Variants in PCDHGA1 observed in about 807,000 individuals in gnomAD.
The protein encoded by PCDHGA1 is protocadherin gamma subfamily A, 1, also known as protocadherin gamma-A1.
In PCDHGA1, 32 loss-of-function variants were observed where a neutral mutation model predicts 58.0. The ratio of observed to expected loss-of-function variants is 0.55; its 90% confidence interval spans 0.42 to 0.74. The LOEUF (loss-of-function observed/expected upper bound fraction) is 0.74. PCDHGA1 is among the 30% of genes least tolerant of loss of function. The pLI, the probability that PCDHGA1 is intolerant of heterozygous loss-of-function variation, is 0.00. For synonymous variants in PCDHGA1, 498 were observed against 501.1 expected (o/e 0.99, Z 0.08); for missense variants, 1,205 against 1,182.3 (o/e 1.02, Z -0.28).
Position 141,476,657 on chromosome 5 carries a change from G to A in PCDHGA1, c.2422-18150G>A, listed in dbSNP as rs759887729. On this transcript the variant is annotated intron_variant, in intron 1 of 3. Coordinates refer to ENST00000517417, the MANE Select transcript of PCDHGA1 (RefSeq NM_018912.3). This position sits in a 1 kb window ranked among gnomAD's most constrained non-coding sequence, Gnocchi z 7.6. ...TGAGCTGAGCCGAAATGAATACTTTGCGCTTCGCGTGCAGACGCGGGAGGA... is the reference window on the plus strand; with the variant it reads ...TGAGCTGAGCCGAAATGAATACTTTACGCTTCGCGTGCAGACGCGGGAGGA... 1.9e-6 allele frequency: 3 copies of A among 1,614,140 alleles called. No homozygotes were observed. Among genetic ancestry groups the A allele is most frequent in the Non-Finnish European group, 2.5e-6 (3 of 1,180,060 alleles).
intron 1 of PCDHGA1, chr5:141,371,721 C>A: frequency 6.2e-7 from 1 of 1,614,084 alleles, no homozygotes; most frequent in Non-Finnish European, 8.5e-7. Flanking sequence ...TCTGCACATC[C>A]TTGATGTCAA....
intron 1 of PCDHGA1, chr5:141,350,020 T>C (rs1242075898): frequency 2.7e-6 from 1 of 367,434 alleles, no homozygotes; most frequent in Non-Finnish European, 4.8e-6. Context: ...TGTGCAGTTT[T>C]CCAAGACAAC....
intron 1 of PCDHGA1, chr5:141,352,514 A>T (rs752533199): frequency 3.7e-6 from 6 of 1,613,842 alleles, no homozygotes; most frequent in Non-Finnish European, 5.1e-6. Flanking sequence ...CAATCTATGT[A>T]TTGCCTCTCA....
chr5:141,470,459 A>T (rs59770804), intron 1 of PCDHGA1, among the ~76,000 whole-genome samples: 32,627 of 152,034 alleles, frequency 0.21, 3,610 homozygotes, highest in African/African-American at 0.27. Context: ...CTTGAATAGG[A>T]TTTTCTGATA....
intron 1 of PCDHGA1, chr5:141,361,516 G>T (rs750174731): frequency 2.5e-6 from 4 of 1,613,942 alleles, no homozygotes; most frequent in Non-Finnish European, 3.4e-6. Context: ...CATGGTTCAC[G>T]TGGCAGAGAA....
chr5:141,388,706 T>C (rs1189291267), intron 1 of PCDHGA1: 2 of 1,613,856 alleles, frequency 1.2e-6, no homozygotes, highest in African/African-American at 2.7e-5. Flanking sequence ...AGGGTGTCAA[T>C]GCCGAGATTA....
At position 141,491,099 on chromosome 5, in the gene PCDHGA1, T is replaced by C. The variant is rs1352561414; in HGVS notation, c.2422-3708T>C. 1 of 1,614,176 alleles carries C rather than the reference T, an allele frequency of 6.2e-7. No homozygotes were observed. ...CAGTCCACAGCCCCAGGACTGTTCC[T>C]CGTGTCTACACACACTGGTGAGGTG... On this transcript the variant is annotated intron_variant, in intron 1 of 3. Coordinates refer to ENST00000517417, the MANE Select transcript of PCDHGA1 (RefSeq NM_018912.3). The surrounding 1 kb of genome is among the most constrained non-coding windows in gnomAD (Gnocchi z 6.9).
chr5:141,425,500 T>C (rs2096879850), intron 1 of PCDHGA1, among the ~76,000 whole-genome samples: 1 of 152,246 alleles, frequency 6.6e-6, no homozygotes, highest in South Asian at 2.1e-4. Context: ...GCTATACCTT[T>C]ATATTCTCTT....
intron 1 of PCDHGA1, among the ~76,000 whole-genome samples, chr5:141,439,631 A>C (rs1459977985): frequency 2.0e-5 from 3 of 152,214 alleles, no homozygotes; most frequent in Non-Finnish European, 2.9e-5. Context: ...ATCCCCAGAC[A>C]TTCCGGCTTG....
rs375436846 is a variant in PCDHGA1, at chr5:141,399,581, A to T, written c.2421+66476A>T. ...TTGGGGTTGAACGGCCAAGTCTCCT[A>T]CTCTATCATGGCCAGCGACCTAGAG... is the stretch of plus-strand genomic sequence containing the variant. On this transcript the variant is annotated intron_variant, in intron 1 of 3. Coordinates refer to ENST00000517417, the MANE Select transcript of PCDHGA1 (RefSeq NM_018912.3). 9.9e-6 allele frequency: 16 copies of T among 1,613,788 alleles called. No homozygotes were observed. The African/African-American group carries it at 1.9e-4, about 19-fold the overall frequency.
Position 141,332,996 on chromosome 5 carries a change from C to G in PCDHGA1, c.2312C>G (p.Pro771Arg), listed in dbSNP as rs753148122. 1.9e-6 allele frequency: 3 copies of G among 1,614,190 alleles called. No individual in the cohort carries two copies. In the Admixed American group the frequency reaches 5.0e-5, roughly 27 times the overall value. ...TCGCGGAAGAGCCACCTGATTTTCC[C>G]CCAGCCCAACTATGCGGACACACTC... is the stretch of plus-strand genomic sequence containing the variant. The part of the protein sequence containing the change: ...ADSRKSHLIF[P>R]QPNYADTLIS... Residue 771 changes from proline (P) to arginine (R), a missense_variant, in exon 1 of 4, where the codon CCC becomes CGC. Transcript: ENST00000517417. This position sits in a 1 kb window ranked among gnomAD's most constrained non-coding sequence, Gnocchi z 4.6.
chr5:141,401,060 T>A (rs1395651829), intron 1 of PCDHGA1, among the ~76,000 whole-genome samples: 3 of 152,216 alleles, frequency 2.0e-5, no homozygotes, highest in Non-Finnish European at 4.4e-5. Flanking sequence ...ATACTATATG[T>A]TGGCTGGGTG....
intron 1 of PCDHGA1, chr5:141,411,313 T>C (rs970801897): frequency 6.6e-5 from 10 of 152,224 alleles, no homozygotes; most frequent in African/African-American, 2.4e-4. Context: ...CTCACACCTA[T>C]AATCACAGCA....
At chr5:141,351,753 T>C (rs1489735945) in intron 1 of PCDHGA1, 1 of 1,613,482 alleles carries the variant, frequency 6.2e-7, no homozygotes. Flanking sequence ...CGGGAGCTGT[T>C]GTCCTACGTG....
chr5:141,388,007 G>A (rs2091194433), intron 1 of PCDHGA1: 1 of 1,480,702 alleles, frequency 6.8e-7, no homozygotes, highest in Non-Finnish European at 9.1e-7. Context: ...CCGAGGAAAT[G>A]CCCAAGGGCT....
At chr5:141,391,287 A>G (rs1429932607) in intron 1 of PCDHGA1, 1 of 152,126 alleles carries the variant, frequency 6.6e-6, no homozygotes, top group Non-Finnish European at 1.5e-5. Flanking sequence ...TTGCTGAAAG[A>G]AGGAAACGTC....
At chr5:141,343,265 C>T (rs1757274091) in intron 1 of PCDHGA1, 1 of 956,792 alleles carries the variant, frequency 1.0e-6, no homozygotes, top group Non-Finnish European at 1.2e-6. Flanking sequence ...TATCAGGTCA[C>T]CAAGAACAAA....
Position 141,490,345 on chromosome 5 carries a change from G to C in PCDHGA1, c.2422-4462G>C, listed in dbSNP as rs2099698831. On this transcript the variant is annotated intron_variant, in intron 1 of 3. Coordinates refer to ENST00000517417, the MANE Select transcript of PCDHGA1 (RefSeq NM_018912.3). This position sits in a 1 kb window ranked among gnomAD's most constrained non-coding sequence, Gnocchi z 5.4. ...AGAGAGCACACCAGTGGGCACAGTA[G>C]TGGGGTTGTTTAATGTGCGAGACCG... is the stretch of plus-strand genomic sequence containing the variant. 1 of 1,614,216 alleles carries C rather than the reference G, an allele frequency of 6.2e-7. No homozygotes were observed. Among genetic ancestry groups the C allele is most frequent in the Non-Finnish European group, 8.5e-7 (1 of 1,180,034 alleles).
intron 2 of PCDHGA1, among the ~76,000 whole-genome samples, chr5:141,502,947 G>A (rs933409229): frequency 3.0e-4 from 45 of 151,030 alleles, no homozygotes; most frequent in Admixed American, 1.8e-3. Context: ...GGGTTCAAGC[G>A]ATTCTCCTGC....
Sources: allele counts gnomAD v4.1 joint callset (sites outside exome capture counted in the v4.1 genomes callset), GRCh38; gene constraint gnomAD v4.1.1; non-coding constraint Gnocchi (gnomAD v3.1); transcripts MANE v1.5; gene names NCBI Gene and HGNC (gene_info 2026-07-23, HGNC 2026-07-21).